GPM6B: variants seen among roughly 807,000 people sequenced by gnomAD.
GPM6B encodes the protein neuronal membrane glycoprotein M6-b.
GPM6B carries 4 observed loss-of-function variants against 27.2 expected under a neutral mutation model. The observed-to-expected ratio is 0.15, with a 90% confidence interval of 0.07 to 0.34. The LOEUF (loss-of-function observed/expected upper bound fraction) is 0.34, where lower values mean the gene tolerates loss of function less well. Ranked by LOEUF, GPM6B falls within the 10% of genes least tolerant of loss-of-function variation. The pLI, the probability that GPM6B is intolerant of heterozygous loss-of-function variation, is 1.00. For missense variants in GPM6B, 183 were observed against 261.9 expected (o/e 0.70, Z 2.08); for synonymous variants, 124 against 103.1 (o/e 1.20, Z -1.23).
chrX:13,810,197 A>C (rs1009543179), intron 1 of GPM6B, among the ~76,000 whole-genome samples: 7 of 111,737 alleles, frequency 6.3e-5, no homozygotes, highest in African/African-American at 2.0e-4. Flanking sequence ...TCTCAGAAAT[A>C]GATGTTGCTA....
At chrX:13,884,330 T>C (rs191688815) in intron 1 of GPM6B, among the ~76,000 whole-genome samples, 3 of 112,616 alleles carry the variant, frequency 2.7e-5, no homozygotes, top group East Asian at 2.8e-4. Flanking sequence ...GTTCATATTA[T>C]ATAAAATATC....
At position 13,859,652 on chromosome X, in the gene GPM6B, T is replaced by A. The variant is rs779222506; in HGVS notation, c.-197-73844A>T. The stretch of plus-strand genomic sequence containing the variant: ...GCTAACATCTACCCTAAGAGATGGA[T>A]AGTTTTTGTTCATCTAAAAAAAAAA... On this transcript the variant is annotated intron_variant, in intron 1 of 6. Coordinates refer to the GPM6B transcript ENST00000398361. Among the ~76,000 whole-genome samples the A allele has an allele frequency of 2.7e-5, 3 of 110,806 alleles. No individual in the cohort carries two copies. The South Asian group carries it at 1.2e-3, about 43-fold the overall frequency.
intron 7 of GPM6B, chrX:13,774,388 T>G: frequency 3.8e-6 from 4 of 1,064,279 alleles, no homozygotes; most frequent in Non-Finnish European, 4.9e-6. Flanking sequence ...TCATGTACAG[T>G]AAGTCATCTT....
At chrX:13,802,925 T>G (rs2048949585) in intron 2 of GPM6B, among the ~76,000 whole-genome samples, 1 of 111,769 alleles carries the variant, frequency 8.9e-6, no homozygotes, top group East Asian at 2.8e-4. Flanking sequence ...ACGACCAGAC[T>G]GTCAGTTATG....
intron 1 of GPM6B, among the ~76,000 whole-genome samples, chrX:13,930,630 A>G (rs1201286856): frequency 5.4e-5 from 6 of 111,853 alleles, no homozygotes; most frequent in African/African-American, 1.6e-4. Flanking sequence ...AAAAAAAGAA[A>G]CGAACAAGGG....
At chrX:13,838,231 T>A (rs2049529705) in intron 1 of GPM6B, among the ~76,000 whole-genome samples, 1 of 111,861 alleles carries the variant, frequency 8.9e-6, no homozygotes, top group African/African-American at 3.3e-5. Flanking sequence ...GCTGTCCCTG[T>A]CACCTTTGAT....
rs756043017 is a variant in GPM6B, at chrX:13,786,606, C to A, written c.182-798G>T. Among the ~76,000 whole-genome samples, 3 of 110,298 alleles carry A rather than the reference C, an allele frequency of 2.7e-5. No homozygotes were observed. The South Asian group carries it at 1.2e-3, about 44-fold the overall frequency. On this transcript the variant is annotated intron_variant, in intron 2 of 7. Coordinates refer to ENST00000316715, the MANE Select transcript of GPM6B (RefSeq NM_001001995.3). ...CACCTGCCCCCTTCCCCGACACACACGTTCAGAGTCAGAACCCAGAACTGG... is the reference window on the plus strand; with the variant it reads ...CACCTGCCCCCTTCCCCGACACACAAGTTCAGAGTCAGAACCCAGAACTGG...
chrX:13,857,504 T>C (rs762453867), intron 1 of GPM6B, among the ~76,000 whole-genome samples: 1 of 112,489 alleles, frequency 8.9e-6, no homozygotes, highest in Non-Finnish European at 1.9e-5. Flanking sequence ...CTTAGAATCA[T>C]AGCATCTTAG....
At chrX:13,842,102 G>T (rs1030233398) in intron 1 of GPM6B, among the ~76,000 whole-genome samples, 1 of 111,362 alleles carries the variant, frequency 9.0e-6, no homozygotes, top group African/African-American at 3.3e-5. Context: ...ATTCCAAAAC[G>T]ACTTTGATCT....
At chrX:13,866,866 G>A (rs1208707433) in intron 1 of GPM6B, among the ~76,000 whole-genome samples, 1 of 111,678 alleles carries the variant, frequency 9.0e-6, no homozygotes, top group Non-Finnish European at 1.9e-5. Flanking sequence ...AATGGAGTCA[G>A]AGAGATGCAT....
chrX:13,855,434 G>A (rs2049769589), intron 1 of GPM6B, among the ~76,000 whole-genome samples: 1 of 112,073 alleles, frequency 8.9e-6, no homozygotes, highest in African/African-American at 3.2e-5. Flanking sequence ...ATGCTTGTGA[G>A]ACTCATCTAT....
intron 1 of GPM6B, among the ~76,000 whole-genome samples, chrX:13,809,375 C>T (rs2049082353): frequency 8.9e-6 from 1 of 112,133 alleles, no homozygotes; most frequent in African/African-American, 3.2e-5. Context: ...GGTGCATTTG[C>T]AGTTGAGTTG....
chrX:13,856,872 G>A (rs1454383995), intron 1 of GPM6B, among the ~76,000 whole-genome samples: 1 of 110,279 alleles, frequency 9.1e-6, no homozygotes, highest in Admixed American at 9.7e-5. Context: ...GCTACTTTTT[G>A]TATATTTTGT....
chrX:13,794,660 C>T (rs2048776781), intron 2 of GPM6B, among the ~76,000 whole-genome samples: 1 of 112,253 alleles, frequency 8.9e-6, no homozygotes, highest in Admixed American at 9.5e-5. Context: ...GGAACACATT[C>T]CTCACTACCA....
intron 2 of GPM6B, among the ~76,000 whole-genome samples, chrX:13,805,150 A>T (rs988011424): frequency 8.9e-6 from 1 of 112,208 alleles, no homozygotes. Flanking sequence ...ATAATTCTTT[A>T]AATCAAATTC....
At chrX:13,872,149 AAT>A (rs34357356) in intron 1 of GPM6B, among the ~76,000 whole-genome samples, 42,043 of 98,039 alleles carry the variant, frequency 0.43, 8,696 homozygotes, top group Non-Finnish European at 0.58. Flanking sequence ...AGAAGGCTGC[AAT>A]ATGTGACATC....
In GPM6B at chrX:13,792,697, C is replaced by T. The variant is rs190504074; in HGVS notation, c.182-6889G>A. 4.5e-3 allele frequency among the ~76,000 whole-genome samples: 498 copies of T among 111,438 alleles called. 10 individuals carry two copies. The highest frequency in any genetic ancestry group is 0.037 in the Admixed American group (394 of 10,578). The stretch of plus-strand genomic sequence containing the variant: ...CAGGCAGATCACGAGGTCAGGAGAT[C>T]GACACCATCCCAGCCAACATGGTGA... On this transcript the variant is annotated intron_variant, in intron 2 of 7. Transcript: ENST00000316715.
Position 13,846,790 on chromosome X carries a change from C to CTTTTTTT in GPM6B, c.-197-60989_-197-60983dup, listed in dbSNP as rs10656571. Among the ~76,000 whole-genome samples the CTTTTTTT allele has an allele frequency of 2.5e-4, 21 of 85,410 alleles. 1 individual carries two copies. Among genetic ancestry groups the CTTTTTTT allele is most frequent in the African/African-American group, 7.9e-4 (17 of 21,507 alleles). 74.2% of individuals were successfully genotyped at this position (85,410 alleles called of 115,157 possible). A position where few individuals can be genotyped will look rare whatever the true frequency, so the allele number is the denominator to read the frequency against. On this transcript the variant is annotated intron_variant, in intron 1 of 6. Coordinates refer to the GPM6B transcript ENST00000398361. ...TTACAGGCGTGAGCCACTGCGCCAG[C>CTTTTTTT]TTTTTTTTTTTTTTTTTTTTAAACT...
chrX:13,820,287 T>C (rs1437260928), upstream of GPM6B, among the ~76,000 whole-genome samples: 1 of 110,733 alleles, frequency 9.0e-6, no homozygotes, highest in African/African-American at 3.3e-5. Flanking sequence ...CCAGATGTCA[T>C]TGGATTGGAT....
Sources: gnomAD v4.1 joint callset for allele counts (sites outside exome capture counted in the v4.1 genomes callset) on GRCh38, gnomAD v4.1.1 for gene constraint, MANE v1.5 for transcripts, NCBI Gene and HGNC (gene_info 2026-07-23, HGNC 2026-07-21) for gene names.